Variants in ERBB4 observed in about 807,000 individuals in gnomAD.
The protein encoded by ERBB4 is erb-b2 receptor tyrosine kinase 4, also known as receptor tyrosine-protein kinase erbB-4.
ERBB4 carries 42 observed loss-of-function variants against 158.0 expected under a neutral mutation model. The ratio of observed to expected loss-of-function variants is 0.27; its 90% confidence interval spans 0.21 to 0.34. The LOEUF (loss-of-function observed/expected upper bound fraction) is 0.34. Ranked by LOEUF, ERBB4 falls within the 10% of genes least tolerant of loss-of-function variation. The probability of loss-of-function intolerance (pLI) is 1.00; values close to 1 mark genes in which losing one functional copy is unlikely to be tolerated. For synonymous variants in ERBB4, 583 were observed against 558.7 expected (o/e 1.04, Z -0.61); for missense variants, 1,333 against 1,624.1 (o/e 0.82, Z 3.08).
chr2:212,430,976 T>C (rs2092015003), intron 1 of ERBB4, among the ~76,000 whole-genome samples: 1 of 152,072 alleles, frequency 6.6e-6, no homozygotes, highest in African/African-American at 2.4e-5. Flanking sequence ...ATGTAAATAA[T>C]AAATACGCGG....
At chr2:211,936,432 C>G (rs1258933718) in intron 3 of ERBB4, among the ~76,000 whole-genome samples, 2 of 151,730 alleles carry the variant, frequency 1.3e-5, no homozygotes, top group Non-Finnish European at 2.9e-5. Context: ...CCATTTTTCA[C>G]TTTTTTCTTA....
rs568552954 is a variant in ERBB4, at chr2:211,978,495, T to C, written c.235-30879A>G. Among the ~76,000 whole-genome samples the C allele has an allele frequency of 1.6e-4, 24 of 152,144 alleles. 1 individual carries two copies. The South Asian group carries it at 5.0e-3, about 32-fold the overall frequency. On this transcript the variant is annotated intron_variant, in intron 2 of 27. Transcript: ENST00000342788. ...CCCAGGCTAGAGTGCAGAGGCTTGATCATCACTCACTGTAGCTTCTAAGCT... is the reference window on the plus strand; with the variant it reads ...CCCAGGCTAGAGTGCAGAGGCTTGACCATCACTCACTGTAGCTTCTAAGCT...
At chr2:211,534,843 G>A (rs1018511189) in intron 20 of ERBB4, among the ~76,000 whole-genome samples, 1 of 152,000 alleles carries the variant, frequency 6.6e-6, no homozygotes, top group Non-Finnish European at 1.5e-5. Context: ...AATGACACCT[G>A]ACTGCCAAAT....
chr2:211,392,600 A>ACCCC (rs1491416832), intron 25 of ERBB4, among the ~76,000 whole-genome samples: 1 of 133,536 alleles, frequency 7.5e-6, no homozygotes, highest in Non-Finnish European at 1.7e-5. Flanking sequence ...ACACACACAC[A>ACCCC]CCCCAATAAT....
chr2:211,584,549 G>T (rs1355634597), intron 19 of ERBB4, among the ~76,000 whole-genome samples: 3 of 151,884 alleles, frequency 2.0e-5, no homozygotes, highest in Admixed American at 6.6e-5. Context: ...GATATATTTT[G>T]ATTTAGAACA....
At chr2:212,513,799 G>A (rs187762666) in intron 1 of ERBB4, among the ~76,000 whole-genome samples, 8 of 148,938 alleles carry the variant, frequency 5.4e-5, no homozygotes, top group Middle Eastern at 3.4e-3. Context: ...GCGACACGGC[G>A]AGACTCCGTC....
chr2:211,913,245 T>C (rs1276221780), intron 3 of ERBB4, among the ~76,000 whole-genome samples: 3 of 152,164 alleles, frequency 2.0e-5, no homozygotes, highest in African/African-American at 7.2e-5. Context: ...AGAAAATCTA[T>C]TTACAATAAT....
intron 20 of ERBB4, among the ~76,000 whole-genome samples, chr2:211,463,464 G>C (rs77767815): frequency 0.016 from 2,375 of 152,252 alleles, 59 homozygotes; most frequent in African/African-American, 0.054. Context: ...GCAGTCTGCT[G>C]TAGCTTCATT....
intron 3 of ERBB4, among the ~76,000 whole-genome samples, chr2:211,905,753 T>C (rs1575352740): frequency 1.4e-5 from 2 of 143,740 alleles, no homozygotes; most frequent in Non-Finnish European, 3.0e-5. Context: ...TGTATATATA[T>C]ATATATATAT....
chr2:211,551,689 T>A (rs983242836), intron 20 of ERBB4, among the ~76,000 whole-genome samples: 2 of 151,964 alleles, frequency 1.3e-5, no homozygotes, highest in Non-Finnish European at 2.9e-5. Flanking sequence ...TACATGCATA[T>A]GACTGAGGCC....
intron 1 of ERBB4, among the ~76,000 whole-genome samples, chr2:212,290,859 A>G (rs2086181197): frequency 6.6e-6 from 1 of 152,134 alleles, no homozygotes; most frequent in African/African-American, 2.4e-5. Flanking sequence ...CAAAGGAGAA[A>G]AAAAAATGTC....
intron 1 of ERBB4, among the ~76,000 whole-genome samples, chr2:212,164,593 A>G (rs937908291): frequency 6.6e-6 from 1 of 152,066 alleles, no homozygotes; most frequent in Non-Finnish European, 1.5e-5. Context: ...CCATTTTGGG[A>G]AAATAAATAA....
intron 20 of ERBB4, among the ~76,000 whole-genome samples, chr2:211,539,667 C>A (rs1381585751): frequency 6.6e-6 from 1 of 151,952 alleles, no homozygotes; most frequent in African/African-American, 2.4e-5. Flanking sequence ...GATTAAGTGA[C>A]TCCTTATAGT....
intron 20 of ERBB4, among the ~76,000 whole-genome samples, chr2:211,442,879 G>T (rs1234674585): frequency 6.6e-6 from 1 of 151,784 alleles, no homozygotes; most frequent in Non-Finnish European, 1.5e-5. Flanking sequence ...GAAAAATAAA[G>T]ATTTTTTTTA....
chr2:212,393,706 C>A (rs2090944927), intron 1 of ERBB4, among the ~76,000 whole-genome samples: 1 of 152,062 alleles, frequency 6.6e-6, no homozygotes, highest in South Asian at 2.1e-4. Flanking sequence ...ATCCACCAGA[C>A]CCCGAAATAA....
intron 4 of ERBB4, 152 bp downstream of exon 4, chr2:211,787,873 T>C (rs2076200881): frequency 3.0e-6 from 2 of 677,928 alleles, no homozygotes; most frequent in Non-Finnish European, 5.0e-6. Context: ...AAGTAAAAGG[T>C]TGATCAGCCA....
intron 5 of ERBB4, among the ~76,000 whole-genome samples, chr2:211,731,679 A>G (rs1280860404): frequency 6.6e-6 from 1 of 152,152 alleles, no homozygotes; most frequent in Non-Finnish European, 1.5e-5. Flanking sequence ...TAATGATGAA[A>G]TTGTGACTAA....
intron 3 of ERBB4, among the ~76,000 whole-genome samples, chr2:211,844,274 G>T (rs2077542071): frequency 6.6e-6 from 1 of 152,064 alleles, no homozygotes; most frequent in African/African-American, 2.4e-5. Flanking sequence ...TTTTCCAAAA[G>T]GTGGTTGAAA....
At chr2:211,594,454 TA>T (rs576635458) in intron 19 of ERBB4, among the ~76,000 whole-genome samples, 145 of 140,528 alleles carry the variant, frequency 1.0e-3, no homozygotes, top group South Asian at 2.7e-3. Context: ...AAATAACAAA[TA>T]AAAAAAAAAA....
Sources: allele counts gnomAD v4.1 joint callset (sites outside exome capture counted in the v4.1 genomes callset), GRCh38; gene constraint gnomAD v4.1.1; transcripts MANE v1.5; gene names NCBI Gene and HGNC (gene_info 2026-07-23, HGNC 2026-07-21).